Variants in CENPU observed in about 807,000 individuals in gnomAD.
CENPU encodes centromere protein U.
Under a neutral mutation model 56.7 loss-of-function variants are expected in CENPU, and 46 were observed. The observed-to-expected ratio is 0.81, with a 90% CI of 0.64 to 1.04. The LOEUF is 1.04. Among genes scored for constraint, CENPU ranks in the 50% least tolerant of loss-of-function variants. The pLI, the probability that CENPU is intolerant of heterozygous loss-of-function variation, is 0.00. For synonymous variants in CENPU, 166 were observed against 163.0 expected, an observed-to-expected ratio of 1.02 and a Z score of -0.14; for missense variants, 510 against 490.1, an observed-to-expected ratio of 1.04 and a Z score of -0.38.
At chr4:184,699,525 T>A in intron 11 of CENPU, 2 of 1,270,310 alleles carry the variant, frequency 1.6e-6, no homozygotes, top group South Asian at 2.5e-5. Context: ...TAGCTTTCCC[T>A]ATTATATTTA....
chr4:184,726,843 C>A (rs1481978830), intron 3 of CENPU, among the ~76,000 whole-genome samples: 1 of 152,010 alleles, frequency 6.6e-6, no homozygotes, highest in Non-Finnish European at 1.5e-5. Context: ...AATCCCAGCA[C>A]TTTGGGAGGC....
chr4:184,698,887 C>CT (rs5864895), intron 11 of CENPU, among the ~76,000 whole-genome samples: 27,088 of 152,026 alleles, frequency 0.18, 2,706 homozygotes, highest in African/African-American at 0.26. Flanking sequence ...AGGGCTGCAC[C>CT]GTAGGCAAGT....
chr4:184,694,790 A>G lies in CENPU; in HGVS notation c.*498T>C. On this transcript the variant is annotated 3_prime_UTR_variant, in exon 13 of 13. Coordinates refer to ENST00000281453, the MANE Select transcript of CENPU (RefSeq NM_024629.4). ...GTATTACAAGAGTAACTAATTCACT[A>G]TGAACACTTTTGTCACCAGGCTATA... The G allele has an allele frequency of 3.8e-6, 6 of 1,595,920 alleles. No individual in the cohort carries two copies. In the South Asian group the frequency reaches 5.5e-5, roughly 15 times the overall value.
chr4:184,715,836 A>C (rs1417295934), intron 6 of CENPU, among the ~76,000 whole-genome samples: 1 of 152,204 alleles, frequency 6.6e-6, no homozygotes, highest in East Asian at 1.9e-4. Flanking sequence ...AAGCTCACTG[A>C]AAGGACTGAA....
chr4:184,715,248 A>G (rs556626697), intron 6 of CENPU, among the ~76,000 whole-genome samples: 1 of 152,324 alleles, frequency 6.6e-6, no homozygotes, highest in African/African-American at 2.4e-5. Context: ...TTAAGCCCAA[A>G]TGAATTAATC....
Position 184,702,347 on chromosome 4 carries a change from A to G in CENPU, c.876+16T>C. 6.2e-7 allele frequency: 1 copy of G among 1,608,420 alleles called. No homozygotes were observed. Among genetic ancestry groups the G allele is most frequent in the Non-Finnish European group, 8.5e-7 (1 of 1,177,468 alleles). ...AAAAAAACCTTAGACCAACAAATGCATGTCCGTGAGCTTACCATTTTGATG... is the reference window on the plus strand; with the variant it reads ...AAAAAAACCTTAGACCAACAAATGCGTGTCCGTGAGCTTACCATTTTGATG... On this transcript the variant is annotated intron_variant, in intron 9 of 12. Coordinates refer to ENST00000281453, the MANE Select transcript of CENPU (RefSeq NM_024629.4).
At chr4:184,705,250 A>G (rs1183311824) in intron 8 of CENPU, among the ~76,000 whole-genome samples, 2 of 152,238 alleles carry the variant, frequency 1.3e-5, no homozygotes, top group Non-Finnish European at 2.9e-5. Context: ...AATGAAGTGG[A>G]ATGGAATCAT....
At chr4:184,733,917 T>TTG (rs1450478955) in intron 1 of CENPU, 99 bp downstream of exon 1, 52 of 1,525,670 alleles carry the variant, frequency 3.4e-5, no homozygotes, top group Non-Finnish European at 4.5e-5. Context: ...ACCTCCACAG[T>TTG]GGAGCACCAA....
At chr4:184,733,324 C>G in intron 1 of CENPU, 1 of 986,366 alleles carries the variant, frequency 1.0e-6, no homozygotes, top group Non-Finnish European at 1.2e-6. Flanking sequence ...CCTTCCCAGG[C>G]CCGGGGGAAC....
At chr4:184,707,084 C>T (rs1760753261) in intron 8 of CENPU, among the ~76,000 whole-genome samples, 1 of 151,260 alleles carries the variant, frequency 6.6e-6, no homozygotes, top group Admixed American at 6.5e-5. Flanking sequence ...TAACAGGAAA[C>T]TGGCTCTGGA....
At chr4:184,724,364 G>A (rs1354892061) in intron 4 of CENPU, among the ~76,000 whole-genome samples, 3 of 151,902 alleles carry the variant, frequency 2.0e-5, no homozygotes, top group Non-Finnish European at 4.4e-5. Context: ...ACCCAACAGA[G>A]GTCCCTAAGT....
At chr4:184,733,304 C>T (rs879887001) in intron 1 of CENPU, 130 of 986,302 alleles carry the variant, frequency 1.3e-4, no homozygotes, top group Non-Finnish European at 1.5e-4. Flanking sequence ...GCACCTCCTC[C>T]TCCAGGCAGC....
chr4:184,716,678 T>G (rs1397118937), intron 5 of CENPU, 45 bp from the exon 6 acceptor site: 1 of 1,396,084 alleles, frequency 7.2e-7, no homozygotes, highest in Non-Finnish European at 1.0e-6. Context: ...AAAATAGAAA[T>G]GCTTATAATT....
intron 8 of CENPU, among the ~76,000 whole-genome samples, chr4:184,707,664 G>A (rs971099236): frequency 6.6e-6 from 1 of 152,144 alleles, no homozygotes; most frequent in African/African-American, 2.4e-5. Context: ...TGCACTGACG[G>A]GCACTAACAG....
chr4:184,714,938 C>T (rs1257504599), intron 6 of CENPU, among the ~76,000 whole-genome samples: 1 of 152,172 alleles, frequency 6.6e-6, no homozygotes, highest in African/African-American at 2.4e-5. Flanking sequence ...CTGAACTACA[C>T]TCTGAATCAA....
At chr4:184,733,865 T>C in intron 1 of CENPU, 151 bp downstream of exon 1, 3 of 1,028,282 alleles carry the variant, frequency 2.9e-6, no homozygotes, top group Middle Eastern at 2.3e-4. Flanking sequence ...CCCACTAGAC[T>C]GAGGAGGAAG....
chr4:184,725,899 G>C (rs1761433876), intron 3 of CENPU, among the ~76,000 whole-genome samples: 1 of 152,182 alleles, frequency 6.6e-6, no homozygotes, highest in African/African-American at 2.4e-5. Context: ...GCTCAGGAAA[G>C]AGGAGTAACA....
intron 10 of CENPU, 47 bp from the exon 11 acceptor site, chr4:184,700,928 A>C: frequency 6.8e-7 from 1 of 1,466,834 alleles, no homozygotes; most frequent in Non-Finnish European, 9.6e-7. Flanking sequence ...TAACTGTTTG[A>C]GCACTGCCAC....
intron 4 of CENPU, among the ~76,000 whole-genome samples, chr4:184,724,033 GGT>G (rs1174552012): frequency 6.6e-6 from 1 of 151,976 alleles, no homozygotes; most frequent in East Asian, 1.9e-4. Flanking sequence ...GGGAGGCCGA[GGT>G]GGGCAGATCA....
Sources: allele counts gnomAD v4.1 joint callset (sites outside exome capture counted in the v4.1 genomes callset), GRCh38; gene constraint gnomAD v4.1.1; transcripts MANE v1.5; gene names NCBI Gene and HGNC (gene_info 2026-07-23, HGNC 2026-07-21).